ARL13B: variants seen among roughly 807,000 people sequenced by gnomAD.
ARL13B encodes ARF like GTPase 13B, also known as ADP-ribosylation factor-like protein 13B.
Under a neutral mutation model 56.1 loss-of-function variants are expected in ARL13B, and 36 were observed. The ratio of observed to expected loss-of-function variants is 0.64; its 90% CI spans 0.49 to 0.85. The LOEUF is 0.85. ARL13B is among the 40% of genes least tolerant of loss of function. ARL13B has a pLI of 0.00. For missense variants in ARL13B, 519 were observed against 507.1 expected, an observed-to-expected ratio of 1.02 and a Z score of -0.23; for synonymous variants, 178 against 171.1, an observed-to-expected ratio of 1.04 and a Z score of -0.32.
intron 3 of ARL13B, among the ~76,000 whole-genome samples, chr3:94,026,104 C>A (rs1460639339): frequency 6.6e-6 from 1 of 151,620 alleles, no homozygotes; most frequent in African/African-American, 2.4e-5. Context: ...ACTGCAAGCT[C>A]CGCCTTCCGG....
At position 94,047,409 on chromosome 3, in the gene ARL13B, T is replaced by G. The variant is rs2077000166; in HGVS notation, c.1025-1997T>G. 2.6e-5 allele frequency among the ~76,000 whole-genome samples: 4 copies of G among 152,220 alleles called. No homozygotes were observed. The South Asian group carries it at 8.3e-4, about 31-fold the overall frequency. ...GTCGCTAAGTTTTTGAATAGTTCTC[T>G]ACTGCTTGTTAAAGAACAAAATGAT... is the stretch of plus-strand genomic sequence containing the variant. On this transcript the variant is annotated intron_variant, in intron 7 of 9. Transcript: ENST00000394222.
intron 4 of ARL13B, among the ~76,000 whole-genome samples, chr3:94,035,907 A>G (rs2076759361): frequency 6.6e-6 from 1 of 152,068 alleles, no homozygotes; most frequent in Non-Finnish European, 1.5e-5. Context: ...CCCTAGCTCT[A>G]CAAAAAATAC....
chr3:94,040,967 C>T (rs2076851180), intron 6 of ARL13B, among the ~76,000 whole-genome samples: 1 of 151,986 alleles, frequency 6.6e-6, no homozygotes, highest in African/African-American at 2.4e-5. Context: ...TAGTATATAT[C>T]ACATATAGAA....
chr3:94,021,082 G>A (rs1389347449), intron 3 of ARL13B, among the ~76,000 whole-genome samples: 1 of 151,846 alleles, frequency 6.6e-6, no homozygotes, highest in Non-Finnish European at 1.5e-5. Context: ...GAACAATTAT[G>A]AAAGGAAGAT....
chr3:94,018,877 T>C (rs931186557), intron 3 of ARL13B, among the ~76,000 whole-genome samples: 3 of 152,126 alleles, frequency 2.0e-5, no homozygotes, highest in Non-Finnish European at 4.4e-5. Context: ...GCAATTCTCC[T>C]GCCTCAGCCT....
intron 1 of ARL13B, among the ~76,000 whole-genome samples, chr3:93,986,998 A>G (rs1263037442): frequency 6.6e-6 from 1 of 152,104 alleles, no homozygotes; most frequent in Non-Finnish European, 1.5e-5. Flanking sequence ...GCTTTTATCT[A>G]ATTATCATAT....
intron 2 of ARL13B, among the ~76,000 whole-genome samples, chr3:94,001,748 C>T (rs2076058743): frequency 6.6e-6 from 1 of 152,116 alleles, no homozygotes; most frequent in Admixed American, 6.6e-5. Flanking sequence ...CATGTTAGTT[C>T]CCTTATTCCT....
At chr3:93,988,931 C>CCTT in intron 1 of ARL13B, 1 of 304,540 alleles carries the variant, frequency 3.3e-6, no homozygotes, top group Non-Finnish European at 6.6e-6. Context: ...GCTGAACTGA[C>CCTT]CTTCCTCTTG....
intron 3 of ARL13B, among the ~76,000 whole-genome samples, chr3:94,033,892 A>G (rs2076719917): frequency 6.6e-6 from 1 of 152,220 alleles, no homozygotes; most frequent in Non-Finnish European, 1.5e-5. Context: ...TATAAGGAAG[A>G]TATTAGCCAA....
At chr3:94,004,563 G>C (rs895774959) in intron 3 of ARL13B, among the ~76,000 whole-genome samples, 6 of 151,564 alleles carry the variant, frequency 4.0e-5, no homozygotes, top group African/African-American at 1.5e-4. Context: ...TTAACTTGTA[G>C]TAAACTAAAT....
At chr3:94,007,043 G>A (rs2076147343) in intron 3 of ARL13B, among the ~76,000 whole-genome samples, 1 of 152,076 alleles carries the variant, frequency 6.6e-6, no homozygotes, top group Non-Finnish European at 1.5e-5. Context: ...CCACTCATAT[G>A]CCAAATATTT....
intron 9 of ARL13B, 61 bp downstream of exon 9, chr3:94,050,953 G>C (rs2077057185): frequency 1.3e-6 from 2 of 1,498,868 alleles, no homozygotes; most frequent in East Asian, 4.6e-5. Flanking sequence ...CTTTTCTTTA[G>C]CCTTATAATT....
intron 1 of ARL13B, among the ~76,000 whole-genome samples, chr3:93,985,866 T>C (rs1710437645): frequency 1.3e-5 from 2 of 152,232 alleles, no homozygotes; most frequent in Non-Finnish European, 2.9e-5. Context: ...AATTGTTTGC[T>C]GTGGCCAAGT....
rs1304745840 is a variant in ARL13B, at chr3:94,055,448, A to T, written c.*2185A>T. On this transcript the variant is annotated 3_prime_UTR_variant, in exon 10 of 10. Coordinates refer to ENST00000394222, the MANE Select transcript of ARL13B (RefSeq NM_001174150.2). ...AACTTTTTTCTCTCTGCAAGTTTTT[A>T]TGTATGTGGGAAAGAATTTGTGATT... The T allele has an allele frequency of 2.2e-6, 1 of 453,462 alleles. No homozygotes were observed. Among genetic ancestry groups the T allele is most frequent in the Admixed American group, 2.4e-5 (1 of 42,528 alleles). The allele number at this position is 453,462 out of a possible 1,614,324, so 28.1% of individuals were successfully genotyped here. A position where few individuals can be genotyped will look rare whatever the true frequency, so the allele number is the denominator to read the frequency against.
intron 5 of ARL13B, 150 bp downstream of exon 5, chr3:94,036,904 T>C (rs2076779027): frequency 2.1e-6 from 2 of 934,384 alleles, no homozygotes; most frequent in Admixed American, 5.1e-5. Context: ...GATCTTTTTC[T>C]GTACAAGTTT....
Position 93,980,311 on chromosome 3 carries a change from C to T in ARL13B, c.-113C>T. 7.0e-7 allele frequency: 1 copy of T among 1,425,118 alleles called. No homozygotes were observed. The highest frequency in any genetic ancestry group is 1.4e-5 in the African/African-American group (1 of 71,420). The allele number at this position is 1,425,118 out of a possible 1,614,324, so 88.3% of individuals were successfully genotyped here. On this transcript the variant is annotated 5_prime_UTR_variant, in exon 1 of 10. Transcript: ENST00000394222. ...CTTCACTTCCCTCCCGGCTTTTCCTCCCGACTTATCCACTTTAGGGGCGTC... is the reference window on the plus strand; with the variant it reads ...CTTCACTTCCCTCCCGGCTTTTCCTTCCGACTTATCCACTTTAGGGGCGTC...
intron 1 of ARL13B, among the ~76,000 whole-genome samples, chr3:93,986,654 A>G (rs1015592944): frequency 1.3e-5 from 2 of 152,146 alleles, no homozygotes; most frequent in African/African-American, 4.8e-5. Context: ...TTTGACTTGC[A>G]TAATATTTTT....
chr3:94,035,041 G>A (rs2076742320), intron 3 of ARL13B, among the ~76,000 whole-genome samples: 2 of 152,066 alleles, frequency 1.3e-5, no homozygotes, highest in Admixed American at 1.3e-4. Context: ...TTCAAGACCA[G>A]CCTGGCCAAC....
At chr3:94,035,614 T>C (rs1004227611) in intron 4 of ARL13B, among the ~76,000 whole-genome samples, 178 bp downstream of exon 4, 1 of 152,182 alleles carries the variant, frequency 6.6e-6, no homozygotes, top group Non-Finnish European at 1.5e-5. Context: ...ATAATATTTG[T>C]TGTCTATTTC....
Sources: gnomAD v4.1 joint callset for allele counts (sites outside exome capture counted in the v4.1 genomes callset) on GRCh38, gnomAD v4.1.1 for gene constraint, MANE v1.5 for transcripts, NCBI Gene and HGNC (gene_info 2026-07-23, HGNC 2026-07-21) for gene names.